IL1RL2: variants seen among roughly 807,000 people sequenced by gnomAD.
The protein encoded by IL1RL2 is interleukin-1 receptor-like 2.
In IL1RL2, 68 loss-of-function variants were observed where a neutral mutation model predicts 66.8. The observed-to-expected ratio is 1.02, with a 90% CI of 0.84 to 1.25. The LOEUF (loss-of-function observed/expected upper bound fraction) is 1.25. Ranked by LOEUF, IL1RL2 falls within the 50% of genes most tolerant of loss-of-function variation. The pLI, the probability that IL1RL2 is intolerant of heterozygous loss-of-function variation, is 0.00. For missense variants in IL1RL2, 729 were observed against 709.3 expected, an observed-to-expected ratio of 1.03 and a Z score of -0.32; for synonymous variants, 305 against 264.6, an observed-to-expected ratio of 1.15 and a Z score of -1.48.
At position 102,205,604 on chromosome 2, in the gene IL1RL2, G is replaced by A. The variant is rs112739864; in HGVS notation, c.649+3889G>A. Reference sequence around the variant, plus strand: ...TCCACTGAAAAGTCTGCTGCTAGATGTATTAGAGCTCCATTGTATGTTATT... The same window carrying A: ...TCCACTGAAAAGTCTGCTGCTAGATATATTAGAGCTCCATTGTATGTTATT... On this transcript the variant is annotated intron_variant, in intron 5 of 11. Coordinates refer to ENST00000264257, the MANE Select transcript of IL1RL2 (RefSeq NM_003854.4). Among the ~76,000 whole-genome samples the A allele has an allele frequency of 8.0e-4, 122 of 152,328 alleles. 1 individual carries two copies. Among genetic ancestry groups the A allele is most frequent in the African/African-American group, 2.8e-3 (116 of 41,580 alleles).
intron 6 of IL1RL2, among the ~76,000 whole-genome samples, 180 bp from the exon 7 acceptor site, chr2:102,218,773 C>A (rs1307584243): frequency 6.6e-6 from 1 of 152,162 alleles, no homozygotes; most frequent in Non-Finnish European, 1.5e-5. Context: ...AGGCCACTTG[C>A]CCCTTGTGGT....
chr2:102,226,622 T>G (rs943589263), intron 9 of IL1RL2, among the ~76,000 whole-genome samples: 1 of 149,068 alleles, frequency 6.7e-6, no homozygotes, highest in Non-Finnish European at 1.5e-5. Flanking sequence ...TAGAAAGGAA[T>G]AGAGGAAGGA....
At position 102,219,346 on chromosome 2, in the gene IL1RL2, T is replaced by C. The variant is rs1283044806; in HGVS notation, c.854+264T>C. On this transcript the variant is annotated intron_variant, in intron 7 of 11. Coordinates refer to ENST00000264257, the MANE Select transcript of IL1RL2 (RefSeq NM_003854.4). Reference sequence around the variant, plus strand: ...TGAGCCATCGGCCTTCAAAGCTTAATGCCCCGGGCATACAAAGCAAACACT... The same window carrying C: ...TGAGCCATCGGCCTTCAAAGCTTAACGCCCCGGGCATACAAAGCAAACACT... 3.3e-5 allele frequency among the ~76,000 whole-genome samples: 5 copies of C among 152,210 alleles called. No individual in the cohort carries two copies. The East Asian group carries it at 9.6e-4, about 29-fold the overall frequency.
At chr2:102,227,557 G>T (rs1479465055) in intron 9 of IL1RL2, among the ~76,000 whole-genome samples, 1 of 152,104 alleles carries the variant, frequency 6.6e-6, no homozygotes, top group East Asian at 1.9e-4. Context: ...TGGATAGTCC[G>T]ACTGGGCATG....
In IL1RL2 at chr2:102,189,083, C is replaced by T. The variant is rs1425316002; in HGVS notation, c.66C>T (p.Cys22=). 2.5e-6 allele frequency: 4 copies of T among 1,612,234 alleles called. No homozygotes were observed. Among genetic ancestry groups the T allele is most frequent in the Non-Finnish European group, 3.4e-6 (4 of 1,178,702 alleles). The change falls in exon 3 of 12, where the codon TGC becomes TGT. Residue 22 remains cysteine (C), a synonymous_variant. Transcript: ENST00000264257. ...ALPLSVTADG[C]KDIFMKNEIL... is the part of the protein sequence containing the mutation. ...TTGTTTTTCTTTCCCTAGATGGATGCAAGGACATTTTTATGAAAAATGAGA... is the reference window on the plus strand; with the variant it reads ...TTGTTTTTCTTTCCCTAGATGGATGTAAGGACATTTTTATGAAAAATGAGA...
chr2:102,188,980 C>T, intron 2 of IL1RL2, 96 bp from the exon 3 acceptor site: 2 of 846,622 alleles, frequency 2.4e-6, no homozygotes, highest in Middle Eastern at 3.5e-4. Flanking sequence ...TTCAAATTGG[C>T]TGGAAAATTG....
At chr2:102,187,834 C>T (rs1686824368) in intron 1 of IL1RL2, 22 bp from the exon 2 acceptor site, 2 of 1,609,990 alleles carry the variant, frequency 1.2e-6, no homozygotes, top group Non-Finnish European at 1.7e-6. Flanking sequence ...TCCCCTCCCA[C>T]CCTCTTCTCC....
chr2:102,188,049 G>C (rs1044112884), intron 2 of IL1RL2, 124 bp downstream of exon 2: 4 of 885,088 alleles, frequency 4.5e-6, no homozygotes, highest in Non-Finnish European at 5.6e-6. Flanking sequence ...CAGACCGCCA[G>C]GCGGAGTTCC....
At chr2:102,238,536 C>T (rs1183329594) in intron 11 of IL1RL2, among the ~76,000 whole-genome samples, 2 of 152,212 alleles carry the variant, frequency 1.3e-5, no homozygotes. Flanking sequence ...CCACTTCCTG[C>T]CACGTCATGG....
At chr2:102,222,115 T>C (rs1157914603) in intron 8 of IL1RL2, among the ~76,000 whole-genome samples, 4 of 152,210 alleles carry the variant, frequency 2.6e-5, no homozygotes, top group African/African-American at 4.8e-5. Flanking sequence ...TATTTTTGCC[T>C]GTTTTTGAGT....
At chr2:102,218,176 T>C (rs1689774120) in intron 6 of IL1RL2, among the ~76,000 whole-genome samples, 1 of 152,220 alleles carries the variant, frequency 6.6e-6, no homozygotes, top group African/African-American at 2.4e-5. Context: ...GACAATATCC[T>C]GTTTTCTTGA....
intron 1 of IL1RL2, chr2:102,187,360 G>A: frequency 8.6e-7 from 1 of 1,157,624 alleles, no homozygotes; most frequent in South Asian, 1.7e-5. Flanking sequence ...TGCCCTGGCT[G>A]CTCCCCAGTG....
At chr2:102,204,059 C>T (rs1438913079) in intron 5 of IL1RL2, among the ~76,000 whole-genome samples, 3 of 151,926 alleles carry the variant, frequency 2.0e-5, no homozygotes, top group Non-Finnish European at 2.9e-5. Context: ...TTTGCTGTAT[C>T]CCATATGTTT....
intron 4 of IL1RL2, among the ~76,000 whole-genome samples, chr2:102,199,338 G>A (rs2104749915): frequency 6.6e-6 from 1 of 152,250 alleles, no homozygotes; most frequent in East Asian, 1.9e-4. Flanking sequence ...CCTCTTCATG[G>A]TTTTCTGTGA....
At chr2:102,194,675 ATCT>A (rs1687509073) in intron 4 of IL1RL2, among the ~76,000 whole-genome samples, 1 of 151,870 alleles carries the variant, frequency 6.6e-6, no homozygotes, top group Non-Finnish European at 1.5e-5. Flanking sequence ...GATAATGTTG[ATCT>A]TCTTTAAATT....
At chr2:102,209,018 G>A (rs1001686207) in intron 5 of IL1RL2, among the ~76,000 whole-genome samples, 1 of 152,218 alleles carries the variant, frequency 6.6e-6, no homozygotes, top group Non-Finnish European at 1.5e-5. Flanking sequence ...TATTTATTAA[G>A]TGAATGATTG....
At chr2:102,219,239 G>T (rs1414543139) in intron 7 of IL1RL2, among the ~76,000 whole-genome samples, 157 bp downstream of exon 7, 3 of 152,156 alleles carry the variant, frequency 2.0e-5, no homozygotes, top group Non-Finnish European at 4.4e-5. Flanking sequence ...TATGGTAAAA[G>T]ACCAGGTATC....
In IL1RL2 at chr2:102,189,294, T is replaced by A. The variant is rs1687018921; in HGVS notation, c.277T>A (p.Tyr93Asn). ...CATGGAATGGGGGGACTCAGGAGTC[T>A]ACCAATGTGTTATAAAGTAAGTTCC... is the stretch of plus-strand genomic sequence containing the variant. ...LPMEWGDSGV[Y>N]QCVIKGRDSC... is the part of the protein sequence containing the mutation. Residue 93 changes from tyrosine (Y) to asparagine (N), a missense_variant, in exon 3 of 12, where the codon TAC becomes AAC. Transcript: ENST00000264257. 2 of 1,605,786 alleles carry A rather than the reference T, an allele frequency of 1.2e-6. No individual in the cohort carries two copies. Among genetic ancestry groups the A allele is most frequent in the Non-Finnish European group, 1.7e-6 (2 of 1,173,808 alleles).
Position 102,189,246 on chromosome 2 carries a change from G to A in IL1RL2, c.229G>A (p.Glu77Lys), listed in dbSNP as rs199516100. The stretch of plus-strand genomic sequence containing the variant: ...CATACAGTCTAGAATTCACCAGGAC[G>A]AGACTTGGATTTTGTTTCTCCCCAT... ...KIIQSRIHQD[E>K]TWILFLPMEW... is the part of the protein sequence containing the mutation. The change falls in exon 3 of 12, where the codon GAG becomes AAG. Residue 77 changes from glutamate to lysine, a missense_variant. Coordinates refer to ENST00000264257, the MANE Select transcript of IL1RL2 (RefSeq NM_003854.4). The A allele has an allele frequency of 3.7e-6, 6 of 1,613,930 alleles. No homozygotes were observed. In the African/African-American group the frequency reaches 4.0e-5, roughly 11 times the overall value.
Sources: allele counts gnomAD v4.1 joint callset (sites outside exome capture counted in the v4.1 genomes callset), GRCh38; gene constraint gnomAD v4.1.1; transcripts MANE v1.5; gene names NCBI Gene and HGNC (gene_info 2026-07-23, HGNC 2026-07-21).